TAF2: variants seen among roughly 807,000 people sequenced by gnomAD.
TAF2 encodes the protein TATA-box binding protein associated factor 2, also known as transcription initiation factor TFIID subunit 2.
A neutral mutation model predicts 138.5 loss-of-function variants in TAF2; 61 were observed. The observed-to-expected ratio is 0.44, with a 90% CI of 0.36 to 0.54. The LOEUF (loss-of-function observed/expected upper bound fraction) is 0.54, where lower values mean the gene tolerates loss of function less well. TAF2 is among the 20% of genes least tolerant of loss of function. TAF2 has a pLI of 0.00. For missense variants in TAF2, 1,090 were observed against 1,427.9 expected, an observed-to-expected ratio of 0.76 and a Z score of 3.81; for synonymous variants, 475 against 469.9, an observed-to-expected ratio of 1.01 and a Z score of -0.14.
intron 3 of TAF2, among the ~76,000 whole-genome samples, chr8:119,812,630 T>G (rs1465156252): frequency 1.3e-5 from 2 of 152,162 alleles, no homozygotes; most frequent in Non-Finnish European, 2.9e-5. Flanking sequence ...ATTTCCGAGT[T>G]ACTTCACTCA....
chr8:119,812,157 A>G (rs1379166038), intron 3 of TAF2, among the ~76,000 whole-genome samples: 1 of 152,134 alleles, frequency 6.6e-6, no homozygotes. Flanking sequence ...CACTGGTTTA[A>G]AGAAATAACA....
chr8:119,762,104 A>C (rs1821104706), intron 19 of TAF2, among the ~76,000 whole-genome samples: 1 of 152,228 alleles, frequency 6.6e-6, no homozygotes, highest in East Asian at 1.9e-4. Flanking sequence ...CAACGAAATA[A>C]AAGAATATGC....
chr8:119,767,922 C>T (rs1821550106), intron 18 of TAF2, among the ~76,000 whole-genome samples: 1 of 152,174 alleles, frequency 6.6e-6, no homozygotes, highest in South Asian at 2.1e-4. Context: ...CAGGCCACCA[C>T]AGATGCCACA....
At chr8:119,754,620 T>G (rs761975943) in intron 22 of TAF2, among the ~76,000 whole-genome samples, 2 of 151,772 alleles carry the variant, frequency 1.3e-5, no homozygotes, top group African/African-American at 2.4e-5. Flanking sequence ...GAGGCGGAGG[T>G]TGCAGTAAGC....
chr8:119,816,211 C>T (rs940646971), intron 3 of TAF2, among the ~76,000 whole-genome samples: 3 of 151,858 alleles, frequency 2.0e-5, no homozygotes, highest in Non-Finnish European at 4.4e-5. Context: ...CTACTACACC[C>T]GGCTAATTTT....
At chr8:119,776,663 T>C (rs531868250) in intron 18 of TAF2, among the ~76,000 whole-genome samples, 135 of 152,214 alleles carry the variant, frequency 8.9e-4, no homozygotes, top group Admixed American at 1.6e-3. Flanking sequence ...CACTCCAGCC[T>C]GGGCGACTGA....
At chr8:119,784,167 C>G (rs956473632) in intron 15 of TAF2, among the ~76,000 whole-genome samples, 1 of 152,184 alleles carries the variant, frequency 6.6e-6, no homozygotes, top group African/African-American at 2.4e-5. Flanking sequence ...ACACCTTCAT[C>G]AAAAGAACAC....
At chr8:119,774,088 G>A (rs772081642) in intron 18 of TAF2, among the ~76,000 whole-genome samples, 1 of 148,760 alleles carries the variant, frequency 6.7e-6, no homozygotes, top group East Asian at 1.9e-4. Context: ...GAAGAATGGC[G>A]TGAACCTGGC....
At chr8:119,777,793 T>C (rs1462585412) in intron 18 of TAF2, among the ~76,000 whole-genome samples, 1 of 152,232 alleles carries the variant, frequency 6.6e-6, no homozygotes, top group Non-Finnish European at 1.5e-5. Flanking sequence ...TGAAGAACAT[T>C]TAAAAACTAA....
At chr8:119,736,776 T>C (rs1293870137) in intron 25 of TAF2, among the ~76,000 whole-genome samples, 1 of 152,182 alleles carries the variant, frequency 6.6e-6, no homozygotes, top group African/African-American at 2.4e-5. Context: ...CGACCAGACA[T>C]TGTATGCTTC....
chr8:119,832,316 G>A (rs1402703366), intron 1 of TAF2, among the ~76,000 whole-genome samples, 166 bp downstream of exon 1: 2 of 152,110 alleles, frequency 1.3e-5, no homozygotes, highest in Non-Finnish European at 2.9e-5. Flanking sequence ...TGAATAACCT[G>A]TCATTCAAAA....
chr8:119,753,169 A>G (rs1471934109), intron 22 of TAF2, among the ~76,000 whole-genome samples: 2 of 152,168 alleles, frequency 1.3e-5, no homozygotes, highest in African/African-American at 2.4e-5. Flanking sequence ...CACACACACA[A>G]TTATTTTTTC....
chr8:119,787,033 C>A (rs1254400674), intron 14 of TAF2, among the ~76,000 whole-genome samples: 2 of 152,072 alleles, frequency 1.3e-5, no homozygotes, highest in Non-Finnish European at 2.9e-5. Context: ...GCATTGGCAA[C>A]AAAAGTCAAA....
intron 3 of TAF2, among the ~76,000 whole-genome samples, chr8:119,808,881 G>A (rs1285972167): frequency 1.3e-5 from 2 of 152,140 alleles, no homozygotes; most frequent in Non-Finnish European, 2.9e-5. Flanking sequence ...TTGTCATCCA[G>A]GCTCTGTTGC....
intron 21 of TAF2, among the ~76,000 whole-genome samples, chr8:119,757,470 A>C (rs901412148): frequency 3.3e-5 from 5 of 152,238 alleles, no homozygotes; most frequent in African/African-American, 1.2e-4. Context: ...TTTGTTCTTT[A>C]GTGCATTTTA....
At chr8:119,803,636 G>A (rs1183006447) in intron 5 of TAF2, among the ~76,000 whole-genome samples, 1 of 150,622 alleles carries the variant, frequency 6.6e-6, no homozygotes, top group Non-Finnish European at 1.5e-5. Flanking sequence ...AGGTTGCAGT[G>A]AGCAGAGATA....
Position 119,787,215 on chromosome 8 carries a change from C to A in TAF2, c.1793+1123G>T, listed in dbSNP as rs117931106. Among the ~76,000 whole-genome samples, 898 of 152,174 alleles carry A rather than the reference C, an allele frequency of 5.9e-3. 7 individuals are homozygous for A. Among genetic ancestry groups the A allele is most frequent in the Non-Finnish European group, 9.5e-3 (644 of 68,002 alleles). On this transcript the variant is annotated intron_variant, in intron 14 of 25. Coordinates refer to ENST00000378164, the MANE Select transcript of TAF2 (RefSeq NM_003184.4). ...CTTAAAGTTACAAGAGAAAAACCAACCCCAGGGGAGGGATAGCTTTAGGAG... is the reference window on the plus strand; with the variant it reads ...CTTAAAGTTACAAGAGAAAAACCAAACCCAGGGGAGGGATAGCTTTAGGAG...
intron 3 of TAF2, among the ~76,000 whole-genome samples, chr8:119,808,610 C>G (rs1033970484): frequency 6.6e-6 from 1 of 152,192 alleles, no homozygotes; most frequent in Non-Finnish European, 1.5e-5. Context: ...TCTATGGCAA[C>G]TATCGCCTTA....
intron 18 of TAF2, among the ~76,000 whole-genome samples, chr8:119,765,203 T>C (rs1170598717): frequency 6.6e-6 from 1 of 152,092 alleles, no homozygotes; most frequent in Non-Finnish European, 1.5e-5. Flanking sequence ...AATGAATATA[T>C]AAATATAGGC....
Sources: gnomAD v4.1 joint callset for allele counts (sites outside exome capture counted in the v4.1 genomes callset) on GRCh38, gnomAD v4.1.1 for gene constraint, MANE v1.5 for transcripts, NCBI Gene and HGNC (gene_info 2026-07-23, HGNC 2026-07-21) for gene names.